Variants in ENPP6 observed in about 807,000 individuals in gnomAD.
ENPP6 encodes glycerophosphocholine cholinephosphodiesterase ENPP6.
Under a neutral mutation model 42.0 loss-of-function variants are expected in ENPP6, and 32 were observed. The ratio of observed to expected loss-of-function variants is 0.76; its 90% CI spans 0.58 to 1.02. The LOEUF is 1.02. Among genes scored for constraint, ENPP6 ranks in the 50% least tolerant of loss-of-function variants. The pLI is 0.00. For synonymous variants in ENPP6, 213 were observed against 216.0 expected (o/e 0.99, Z 0.12); for missense variants, 552 against 566.8 (o/e 0.97, Z 0.27).
At chr4:184,210,158 C>G (rs1278598405) in intron 1 of ENPP6, among the ~76,000 whole-genome samples, 1 of 151,288 alleles carries the variant, frequency 6.6e-6, no homozygotes, top group African/African-American at 2.4e-5. Flanking sequence ...ACCATCGAGA[C>G]TAGGAAGAAA....
intron 6 of ENPP6, among the ~76,000 whole-genome samples, chr4:184,102,451 C>T (rs752856241): frequency 5.3e-5 from 8 of 152,230 alleles, no homozygotes; most frequent in Non-Finnish European, 5.9e-5. Context: ...TTTTGGAATA[C>T]ATGATCATAT....
intron 1 of ENPP6, among the ~76,000 whole-genome samples, chr4:184,169,476 G>A (rs1487532293): frequency 6.6e-6 from 1 of 152,186 alleles, no homozygotes; most frequent in Non-Finnish European, 1.5e-5. Context: ...TCTTTTTGCA[G>A]GAGCCAGCAG....
intron 1 of ENPP6, among the ~76,000 whole-genome samples, chr4:184,165,907 C>A (rs1737341241): frequency 6.6e-6 from 1 of 152,190 alleles, no homozygotes; most frequent in East Asian, 1.9e-4. Flanking sequence ...CTAGTAGGTT[C>A]CCCTTAGTAC....
At chr4:184,205,600 G>A (rs1732981884) in intron 1 of ENPP6, among the ~76,000 whole-genome samples, 1 of 152,264 alleles carries the variant, frequency 6.6e-6, no homozygotes, top group African/African-American at 2.4e-5. Context: ...GGTTTGAACA[G>A]AGGAGTGGTG....
intron 2 of ENPP6, among the ~76,000 whole-genome samples, chr4:184,126,367 T>C (rs901636913): frequency 2.0e-5 from 3 of 152,220 alleles, no homozygotes; most frequent in Non-Finnish European, 4.4e-5. Context: ...AATTCTACAG[T>C]ACAGGTAGAG....
chr4:184,160,859 A>G (rs1445406360), intron 1 of ENPP6, among the ~76,000 whole-genome samples: 2 of 152,188 alleles, frequency 1.3e-5, no homozygotes, highest in Non-Finnish European at 2.9e-5. Flanking sequence ...GCCTGCTCCT[A>G]TATGACAAAA....
At position 184,116,877 on chromosome 4, in the gene ENPP6, C is replaced by T. The variant is rs202211339; in HGVS notation, c.834G>A (p.Pro278=). 46 of 1,613,746 alleles carry T rather than the reference C, an allele frequency of 2.9e-5. No individual in the cohort carries two copies. Among genetic ancestry groups the T allele is most frequent in the Admixed American group, 2.0e-4 (12 of 60,018 alleles). ...TTGCCTCAGAGTGTTTCCCAGGGGC[C>T]GGCCAAAGGCTCACAACAGGCCCGC... The part of the protein sequence containing the change: ...KDRGPVVSLW[P]APGKHSEIYN... The change falls in exon 5 of 8, where the codon CCG becomes CCA. Residue 278 remains proline, a synonymous_variant. Coordinates refer to ENST00000296741, the MANE Select transcript of ENPP6 (RefSeq NM_153343.4).
At chr4:184,127,407 TAAGAC>T (rs764763536) in intron 2 of ENPP6, among the ~76,000 whole-genome samples, 8 of 152,018 alleles carry the variant, frequency 5.3e-5, no homozygotes, top group Non-Finnish European at 1.0e-4. Context: ...CAAAAACAGT[TAAGAC>T]AAGTAAAAAA....
chr4:184,098,139 G>C (rs1735943121), intron 6 of ENPP6, among the ~76,000 whole-genome samples: 1 of 152,216 alleles, frequency 6.6e-6, no homozygotes, highest in Admixed American at 6.5e-5. Context: ...GTGCTTTCCT[G>C]AGTTCAGTGA....
At position 184,112,787 on chromosome 4, in the gene ENPP6, A is replaced by G; in HGVS notation, c.878T>C (p.Val293Ala). ...HSEIYNKLST[V>A]EHMTVYEKEA... Reference sequence around the variant, plus strand: ...TTTCTCGTAGACAGTCATGTGTTCCACTGTGCTCAGTTTGTTATATATCTG... The same window carrying G: ...TTTCTCGTAGACAGTCATGTGTTCCGCTGTGCTCAGTTTGTTATATATCTG... The change falls in exon 6 of 8, where the codon GTG (valine) becomes GCG (alanine). Residue 293 changes from valine to alanine, a missense_variant. This residue lies in a region of ENPP6 where 545 missense variants were observed against 546.3 expected (regional missense o/e 1.00). Transcript: ENST00000296741. 6.2e-7 allele frequency: 1 copy of G among 1,613,958 alleles called. No individual in the cohort carries two copies. Among genetic ancestry groups the G allele is most frequent in the Non-Finnish European group, 8.5e-7 (1 of 1,179,980 alleles).
intron 1 of ENPP6, among the ~76,000 whole-genome samples, chr4:184,180,807 A>G (rs1196034646): frequency 1.3e-5 from 2 of 152,240 alleles, no homozygotes; most frequent in African/African-American, 4.8e-5. Context: ...ATAAAATTCA[A>G]CATTCCTTCA....
chr4:184,100,772 C>T (rs1056137541), intron 6 of ENPP6, among the ~76,000 whole-genome samples: 6 of 152,288 alleles, frequency 3.9e-5, no homozygotes, highest in African/African-American at 1.2e-4. Context: ...GATGGTGGAA[C>T]GTCCCTGCCA....
At chr4:184,204,961 G>C (rs35518350) in intron 1 of ENPP6, among the ~76,000 whole-genome samples, 1 of 151,392 alleles carries the variant, frequency 6.6e-6, no homozygotes, top group Admixed American at 6.6e-5. Context: ...ATGAAGTTTC[G>C]CTCATGTTGC....
At chr4:184,158,337 T>C (rs1294911763) in intron 1 of ENPP6, among the ~76,000 whole-genome samples, 2 of 152,096 alleles carry the variant, frequency 1.3e-5, no homozygotes, top group African/African-American at 4.8e-5. Context: ...TCCCTTTGCA[T>C]GGCAGTGTCG....
chr4:184,168,560 G>C (rs1002890635), intron 1 of ENPP6, among the ~76,000 whole-genome samples: 2 of 152,208 alleles, frequency 1.3e-5, no homozygotes, highest in African/African-American at 4.8e-5. Flanking sequence ...AGCAAGGAGC[G>C]AGCCCTCTGA....
At chr4:184,155,217 C>T (rs74436923) in intron 1 of ENPP6, among the ~76,000 whole-genome samples, 365 of 152,262 alleles carry the variant, frequency 2.4e-3, no homozygotes, top group African/African-American at 8.1e-3. Context: ...ACTATATTAT[C>T]GTTTTTAGTA....
Position 184,165,918 on chromosome 4 carries a change from T to C in ENPP6, c.242-12185A>G, listed in dbSNP as rs192420251. ...CCCACTAGTAGGTTCCCCTTAGTAC[T>C]TTTCCTTGAGCATTTGGAGGTGTAA... is the stretch of plus-strand genomic sequence containing the variant. On this transcript the variant is annotated intron_variant, in intron 1 of 7. Coordinates refer to ENST00000296741, the MANE Select transcript of ENPP6 (RefSeq NM_153343.4). Among the ~76,000 whole-genome samples, 11 of 152,350 alleles carry C rather than the reference T, an allele frequency of 7.2e-5. No homozygotes were observed. The East Asian group carries it at 1.5e-3, about 21-fold the overall frequency.
intron 3 of ENPP6, among the ~76,000 whole-genome samples, chr4:184,122,309 T>C (rs1736428928): frequency 6.6e-6 from 1 of 152,144 alleles, no homozygotes; most frequent in African/African-American, 2.4e-5. Flanking sequence ...GCACATTAGG[T>C]GGCAGCCTAG....
intron 2 of ENPP6, among the ~76,000 whole-genome samples, chr4:184,144,132 G>A (rs771964812): frequency 2.0e-4 from 31 of 152,224 alleles, no homozygotes; most frequent in Non-Finnish European, 4.4e-4. Context: ...CCTAGGCCTA[G>A]GAGGAAGGCG....
Sources: gnomAD v4.1 joint callset for allele counts (sites outside exome capture counted in the v4.1 genomes callset) on GRCh38, gnomAD v4.1.1 for gene constraint, gnomAD v4.1.1 regional missense constraint, MANE v1.5 for transcripts, NCBI Gene and HGNC (gene_info 2026-07-23, HGNC 2026-07-21) for gene names.